The following LGI1 variants were observed in gnomAD, a reference collection of about 807,000 sequenced individuals.
LGI1 encodes the protein leucine rich glioma inactivated 1.
LGI1 carries 11 observed loss-of-function variants against 57.7 expected under a neutral mutation model. The ratio of observed to expected loss-of-function variants is 0.19; its 90% CI spans 0.12 to 0.32. LGI1 has a LOEUF of 0.32. LGI1 is among the 10% of genes least tolerant of loss of function. The pLI, the probability that LGI1 is intolerant of heterozygous loss-of-function variation, is 1.00. For synonymous variants in LGI1, 222 were observed against 241.9 expected (o/e 0.92, Z 0.76); for missense variants, 422 against 661.9 (o/e 0.64, Z 3.98).
intron 7 of LGI1, among the ~76,000 whole-genome samples, chr10:93,795,390 T>C (rs2059971808): frequency 6.6e-6 from 1 of 152,080 alleles, no homozygotes; most frequent in Non-Finnish European, 1.5e-5. Context: ...CTTCTCTGTG[T>C]CCTAACATGG....
At chr10:93,773,897 T>A (rs2059765735) in intron 2 of LGI1, among the ~76,000 whole-genome samples, 1 of 152,198 alleles carries the variant, frequency 6.6e-6, no homozygotes, top group Non-Finnish European at 1.5e-5. Flanking sequence ...ACGGGCTGGC[T>A]GCTTGGCAGG....
At chr10:93,793,705 G>A (rs941150521) in intron 7 of LGI1, among the ~76,000 whole-genome samples, 1 of 152,094 alleles carries the variant, frequency 6.6e-6, no homozygotes, top group Non-Finnish European at 1.5e-5. Flanking sequence ...GTCTATTTGG[G>A]CAAGCTGCTC....
chr10:93,757,938 A>G lies in LGI1; in HGVS notation c.-207A>G. On this transcript the variant is annotated 5_prime_UTR_variant, in exon 1 of 8. Coordinates refer to ENST00000371418, the MANE Select transcript of LGI1 (RefSeq NM_005097.4). Reference sequence around the variant, plus strand: ...AGCAGTTGGATCCCTCCCATCTCACAGTACCTCACAGGTCTCTTCCCCCGA... The same window carrying G: ...AGCAGTTGGATCCCTCCCATCTCACGGTACCTCACAGGTCTCTTCCCCCGA... 1.6e-6 allele frequency: 1 copy of G among 609,730 alleles called. No homozygotes were observed. Among genetic ancestry groups the G allele is most frequent in the South Asian group, 1.9e-5 (1 of 51,874 alleles). 37.8% of individuals were successfully genotyped at this position (609,730 alleles called of 1,614,324 possible). A position where few individuals can be genotyped will look rare whatever the true frequency, so the allele number is the denominator to read the frequency against.
At chr10:93,796,130 A>G (rs2059977541) in intron 7 of LGI1, among the ~76,000 whole-genome samples, 2 of 152,360 alleles carry the variant, frequency 1.3e-5, no homozygotes, top group Admixed American at 6.5e-5. Context: ...ATTTTCCAAA[A>G]TAACTTTCAG....
chr10:93,778,345 TCACACACACACACA>T (rs60017902), intron 4 of LGI1, among the ~76,000 whole-genome samples: 2,236 of 148,634 alleles, frequency 0.015, 27 homozygotes, highest in African/African-American at 0.023. Context: ...ACAAACACAT[TCACACACACACACA>T]CACACACACA....
chr10:93,774,310 T>C (rs2059770721), intron 2 of LGI1, among the ~76,000 whole-genome samples: 2 of 152,136 alleles, frequency 1.3e-5, no homozygotes. Context: ...AGTATCAGTA[T>C]TTTTAAAGCT....
chr10:93,776,058 G>GT (rs2059791055), intron 2 of LGI1: 1 of 152,172 alleles, frequency 6.6e-6, no homozygotes, highest in African/African-American at 2.4e-5. Context: ...CTTTGAATTT[G>GT]TTTTAGTAAC....
Position 93,758,675 on chromosome 10 carries a change from C to T in LGI1, c.216-85C>T, listed in dbSNP as rs1178289947. ...CAAAATAGTCACTGTTATGCTAAACCGGATTAACATAAGGTTTGTTCTGTG... is the reference window on the plus strand; with the variant it reads ...CAAAATAGTCACTGTTATGCTAAACTGGATTAACATAAGGTTTGTTCTGTG... On this transcript the variant is annotated intron_variant, in intron 1 of 7. Transcript: ENST00000371418. The surrounding 1 kb of genome is among the most constrained non-coding windows in gnomAD (Gnocchi z 4.7). The T allele has an allele frequency of 1.2e-5, 11 of 948,834 alleles. No individual in the cohort carries two copies. The highest frequency in any genetic ancestry group is 4.8e-5 in the East Asian group (2 of 41,366). The allele number at this position is 948,834 out of a possible 1,614,324, so 58.8% of individuals were successfully genotyped here.
At chr10:93,787,529 T>C (rs1004663602) in intron 4 of LGI1, among the ~76,000 whole-genome samples, 4 of 152,220 alleles carry the variant, frequency 2.6e-5, no homozygotes, top group Non-Finnish European at 5.9e-5. Flanking sequence ...CCATCTGTTC[T>C]GTGGTTAGCT....
chr10:93,788,953 G>A (rs145177417), intron 4 of LGI1: 4 of 151,894 alleles, frequency 2.6e-5, no homozygotes, highest in Admixed American at 6.6e-5. Flanking sequence ...AGTTTATAAC[G>A]TGTATATATA....
At position 93,766,512 on chromosome 10, in the gene LGI1, C is replaced by CTTTTTTTTTT. The variant is rs71031537; in HGVS notation, c.287+7682_287+7691dup. On this transcript the variant is annotated intron_variant, in intron 2 of 7. Transcript: ENST00000371418. Reference sequence around the variant, plus strand: ...TTGGTGCTAAGCATTTTATAGATCTCTTTTTTTTTTGAGACGGAGTCTCGC... The same window carrying CTTTTTTTTTT: ...TTGGTGCTAAGCATTTTATAGATCTCTTTTTTTTTTTTTTTTTTTTGAGACGGAGTCTCGC... Among the ~76,000 whole-genome samples the CTTTTTTTTTT allele has an allele frequency of 9.5e-5, 8 of 84,586 alleles. 4 individuals carry two copies. Among genetic ancestry groups the CTTTTTTTTTT allele is most frequent in the East Asian group, 8.7e-4 (2 of 2,290 alleles). The allele number at this position is 84,586 out of a possible 152,430, so 55.5% of individuals were successfully genotyped here. A position where few individuals can be genotyped will look rare whatever the true frequency, so the allele number is the denominator to read the frequency against.
At chr10:93,767,520 A>G (rs1007581304) in intron 2 of LGI1, 2 of 152,230 alleles carry the variant, frequency 1.3e-5, no homozygotes, top group African/African-American at 4.8e-5. Context: ...AGTACTTTGG[A>G]AATATATGCA....
chr10:93,766,252 T>C (rs1230137386), intron 2 of LGI1, among the ~76,000 whole-genome samples: 2 of 152,112 alleles, frequency 1.3e-5, no homozygotes, highest in Non-Finnish European at 2.9e-5. Flanking sequence ...AGATGGCAGG[T>C]GCTTGCATGT....
At chr10:93,793,009 T>C in intron 6 of LGI1, 97 bp downstream of exon 6, 1 of 1,348,564 alleles carries the variant, frequency 7.4e-7, no homozygotes, top group Non-Finnish European at 1.0e-6. Flanking sequence ...TCTTAAAAAC[T>C]AGCTGAGCAA....
intron 6 of LGI1, 55 bp downstream of exon 6, chr10:93,792,967 T>C: frequency 6.5e-7 from 1 of 1,547,616 alleles, no homozygotes; most frequent in Non-Finnish European, 8.9e-7. Flanking sequence ...GCTACCTTTT[T>C]TTTTCATGTG....
chr10:93,787,279 A>G (rs555212992), intron 4 of LGI1, among the ~76,000 whole-genome samples: 1 of 152,012 alleles, frequency 6.6e-6, no homozygotes, highest in African/African-American at 2.4e-5. Context: ...CAGCGAATCC[A>G]CCCACCATTT....
intron 2 of LGI1, chr10:93,770,026 A>G (rs1177971557): frequency 6.6e-6 from 1 of 152,276 alleles, no homozygotes; most frequent in Non-Finnish European, 1.5e-5. Flanking sequence ...GTTTGAGACA[A>G]TGGGAAGTTT....
intron 4 of LGI1, chr10:93,789,793 A>C: frequency 3.5e-6 from 1 of 288,448 alleles, no homozygotes; most frequent in African/African-American, 2.2e-5. Context: ...AATCACTTGA[A>C]CCCGGGAGGC....
At chr10:93,766,512 C>CTTTTTTTGTTTTTT (rs1554903464) in intron 2 of LGI1, among the ~76,000 whole-genome samples, 1 of 84,588 alleles carries the variant, frequency 1.2e-5, no homozygotes, top group Non-Finnish European at 2.1e-5. Flanking sequence ...TTATAGATCT[C>CTTTTTTTGTTTTTT]TTTTTTTTTT....
Sources: allele counts gnomAD v4.1 joint callset (sites outside exome capture counted in the v4.1 genomes callset), GRCh38; gene constraint gnomAD v4.1.1; non-coding constraint Gnocchi (gnomAD v3.1); transcripts MANE v1.5; gene names NCBI Gene and HGNC (gene_info 2026-07-23, HGNC 2026-07-21).